The following PRR5L variants were observed in gnomAD, a reference collection of about 807,000 sequenced individuals.
PRR5L encodes proline rich 5 like, also known as proline-rich protein 5-like.
A neutral mutation model predicts 36.4 loss-of-function variants in PRR5L; 21 were observed. The ratio of observed to expected loss-of-function variants is 0.58; its 90% confidence interval spans 0.41 to 0.83. The LOEUF is 0.83. Ranked by LOEUF, PRR5L falls within the 40% of genes least tolerant of loss-of-function variation. The pLI is 0.00. For missense variants in PRR5L, 381 were observed against 473.3 expected, an observed-to-expected ratio of 0.80 and a Z score of 1.81; for synonymous variants, 188 against 197.0, an observed-to-expected ratio of 0.95 and a Z score of 0.38.
chr11:36,430,273 A>G (rs1858466636), intron 4 of PRR5L, among the ~76,000 whole-genome samples: 2 of 151,806 alleles, frequency 1.3e-5, no homozygotes, highest in Admixed American at 6.6e-5. Flanking sequence ...TTAGCTGGGC[A>G]TGGTGGCTGG....
chr11:36,335,529 A>G (rs1048016370), intron 1 of PRR5L, among the ~76,000 whole-genome samples: 1 of 152,172 alleles, frequency 6.6e-6, no homozygotes, highest in Non-Finnish European at 1.5e-5. Context: ...TATTTAGGGT[A>G]GAAACAGGAC....
intron 1 of PRR5L, among the ~76,000 whole-genome samples, chr11:36,303,771 C>G (rs1856401519): frequency 1.3e-5 from 2 of 152,168 alleles, no homozygotes; most frequent in Non-Finnish European, 2.9e-5. Context: ...AAAAATTAAA[C>G]AAATATTGAA....
At chr11:36,387,994 G>A (rs752769431) in intron 1 of PRR5L, 3 of 152,240 alleles carry the variant, frequency 2.0e-5, no homozygotes, top group Non-Finnish European at 2.9e-5. Context: ...GCAAACACCA[G>A]ATCGGATTGA....
chr11:36,351,342 A>AC, intron 1 of PRR5L, among the ~76,000 whole-genome samples: 1 of 42,702 alleles, frequency 2.3e-5, no homozygotes, highest in Non-Finnish European at 4.1e-5. Context: ...ATATATTTAT[A>AC]ATATATAATA....
At chr11:36,335,091 T>C (rs1725978318) in intron 1 of PRR5L, among the ~76,000 whole-genome samples, 1 of 148,164 alleles carries the variant, frequency 6.7e-6, no homozygotes, top group Admixed American at 6.6e-5. Context: ...GAGTGGAGAT[T>C]TTTTTTTTCT....
At chr11:36,446,067 C>T (rs1858822093) in intron 6 of PRR5L, among the ~76,000 whole-genome samples, 1 of 152,104 alleles carries the variant, frequency 6.6e-6, no homozygotes, top group Admixed American at 6.5e-5. Context: ...TTATATGTGC[C>T]TTGTATTGTC....
chr11:36,383,695 C>CTT lies in PRR5L; in HGVS notation c.-125-17285_-125-17284dup, dbSNP rs34900545. Reference sequence around the variant, plus strand: ...CTTTCCTGTCTTTTTCTTTCTTTTCCTTTTTTTTTTTTTTTTTTGAGATGG... The same window carrying CTT: ...CTTTCCTGTCTTTTTCTTTCTTTTCCTTTTTTTTTTTTTTTTTTTTGAGATGG... On this transcript the variant is annotated intron_variant, in intron 1 of 8. Transcript: ENST00000530639. 2.0e-3 allele frequency among the ~76,000 whole-genome samples: 219 copies of CTT among 109,232 alleles called. 3 individuals are homozygous for CTT. In the East Asian group the frequency reaches 0.035, roughly 18 times the overall value. The allele number at this position is 109,232 out of a possible 152,430, so 71.7% of individuals were successfully genotyped here. A position where few individuals can be genotyped will look rare whatever the true frequency, so the allele number is the denominator to read the frequency against.
intron 1 of PRR5L, among the ~76,000 whole-genome samples, chr11:36,356,371 G>C (rs1446683023): frequency 6.6e-6 from 1 of 152,136 alleles, no homozygotes; most frequent in African/African-American, 2.4e-5. Context: ...GGTGGTTTCT[G>C]TAAAGTACTG....
At chr11:36,297,013 T>A (rs901200339) in intron 1 of PRR5L, among the ~76,000 whole-genome samples, 1 of 152,182 alleles carries the variant, frequency 6.6e-6, no homozygotes, top group Non-Finnish European at 1.5e-5. Flanking sequence ...GTATTGTGAG[T>A]CCTTTGCCCT....
At chr11:36,433,368 C>T (rs890309214) in intron 5 of PRR5L, among the ~76,000 whole-genome samples, 28 of 152,148 alleles carry the variant, frequency 1.8e-4, no homozygotes, top group East Asian at 5.8e-4. Flanking sequence ...CCTTTTGAGA[C>T]TGGCTTAGTT....
At chr11:36,404,196 A>G (rs1241505593) in intron 3 of PRR5L, among the ~76,000 whole-genome samples, 1 of 152,068 alleles carries the variant, frequency 6.6e-6, no homozygotes, top group African/African-American at 2.4e-5. Flanking sequence ...GTTTTGGTGA[A>G]ATGAGAGCAG....
intron 1 of PRR5L, among the ~76,000 whole-genome samples, chr11:36,371,512 T>C (rs577218757): frequency 5.3e-5 from 8 of 152,368 alleles, no homozygotes; most frequent in African/African-American, 1.9e-4. Context: ...TGCACACGGC[T>C]GGGAGATCTA....
intron 1 of PRR5L, among the ~76,000 whole-genome samples, chr11:36,387,165 A>G (rs1397828108): frequency 6.6e-6 from 1 of 152,156 alleles, no homozygotes; most frequent in African/African-American, 2.4e-5. Flanking sequence ...AAGACTTCAT[A>G]GAGAAATCGG....
At chr11:36,349,921 G>A (rs1206764621) in intron 1 of PRR5L, 7 of 152,066 alleles carry the variant, frequency 4.6e-5, no homozygotes, top group Non-Finnish European at 8.8e-5. Context: ...TGACTTCAGA[G>A]AAGCTTCCTT....
At chr11:36,363,629 C>T (rs1857116042) in intron 1 of PRR5L, among the ~76,000 whole-genome samples, 1 of 152,228 alleles carries the variant, frequency 6.6e-6, no homozygotes, top group African/African-American at 2.4e-5. Context: ...GCCCCAGCTC[C>T]TAGACCAGCA....
chr11:36,388,664 A>G (rs1261247598), intron 1 of PRR5L, among the ~76,000 whole-genome samples: 1 of 141,708 alleles, frequency 7.1e-6, no homozygotes, highest in Admixed American at 6.9e-5. Context: ...CTCTGTGTTT[A>G]GCCTTTCTTT....
At chr11:36,367,727 G>A (rs11033575) in intron 1 of PRR5L, among the ~76,000 whole-genome samples, 50,183 of 145,250 alleles carry the variant, frequency 0.35, 8,644 homozygotes, top group East Asian at 0.6. Context: ...CATGGGAGCC[G>A]GGACCAGAGA....
rs1424509158 is a variant in PRR5L at position 36,451,468 on chromosome 11, G to T, written c.712+133G>T. ...AGCACAGCCTTTTGCTTCCTGTGCG[G>T]GTCAGTGCAAATCCGTGCATCTTAA... is the stretch of plus-strand genomic sequence containing the variant. On this transcript the variant is annotated intron_variant, in intron 8 of 8. Coordinates refer to ENST00000530639, the MANE Select transcript of PRR5L (RefSeq NM_001160167.2). The T allele has an allele frequency of 2.7e-6, 3 of 1,113,340 alleles. No homozygotes were observed. The African/African-American group carries it at 4.7e-5, about 17-fold the overall frequency. The allele number at this position is 1,113,340 out of a possible 1,614,324, so 69.0% of individuals were successfully genotyped here.
chr11:36,405,012 TAAAAC>T (rs1857880130), intron 3 of PRR5L, among the ~76,000 whole-genome samples: 1 of 152,192 alleles, frequency 6.6e-6, no homozygotes, highest in African/African-American at 2.4e-5. Flanking sequence ...TATAAATAAA[TAAAAC>T]AGTGACTCAG....
Sources: gnomAD v4.1 joint callset for allele counts (sites outside exome capture counted in the v4.1 genomes callset) on GRCh38, gnomAD v4.1.1 for gene constraint, MANE v1.5 for transcripts, NCBI Gene and HGNC (gene_info 2026-07-23, HGNC 2026-07-21) for gene names.